The following ATG4D variants were observed in gnomAD, a reference collection of about 807,000 sequenced individuals.
The protein encoded by ATG4D is cysteine protease ATG4D.
In ATG4D, 51 loss-of-function variants were observed where a neutral mutation model predicts 55.2. The ratio of observed to expected loss-of-function variants is 0.92; its 90% CI spans 0.74 to 1.17. ATG4D has a LOEUF of 1.17. Among genes scored for constraint, ATG4D ranks in the 50% most tolerant of loss-of-function variants. The probability of loss-of-function intolerance (pLI) is 0.00; values close to 1 mark genes in which losing one functional copy is unlikely to be tolerated. For synonymous variants in ATG4D, 268 were observed against 266.2 expected (o/e 1.01, Z -0.07); for missense variants, 635 against 649.6 (o/e 0.98, Z 0.25).
chr19:10,551,864 C>T (rs770065870), intron 6 of ATG4D, 33 bp from the exon 7 acceptor site: 1 of 1,609,684 alleles, frequency 6.2e-7, no homozygotes, highest in Admixed American at 1.7e-5. Flanking sequence ...TGAGTGGCTG[C>T]CTGACAGCAC....
Position 10,544,819 on chromosome 19 carries a change from T to C in ATG4D, c.272T>C (p.Ile91Thr). 1.2e-6 allele frequency: 2 copies of C among 1,614,038 alleles called. No individual in the cohort carries two copies. The highest frequency in any genetic ancestry group is 1.7e-6 in the Non-Finnish European group (2 of 1,179,952). ...VVKSRTSFSK[I>T]SSIHLCGRRY... is the part of the protein sequence containing the mutation. The stretch of plus-strand genomic sequence containing the variant: ...AAAAGCCGGACCAGCTTTAGCAAGA[T>C]CTCCAGCATCCACCTCTGTGGCCGC... Residue 91 changes from isoleucine to threonine, a missense_variant, in exon 2 of 10, where the codon ATC becomes ACC. Physicochemically the swap from Ile to Thr is moderately conservative, Grantham distance 89 (BLOSUM62 -1). Coordinates refer to ENST00000309469, the MANE Select transcript of ATG4D (RefSeq NM_032885.6).
Position 10,553,235 on chromosome 19 carries a change from G to A in ATG4D, c.*168G>A, listed in dbSNP as rs1916362039. ...TTCAGCCAGGGACAGAGCCCACAGAGCCCATACACCTGTCTCCCACCAGCG... is the reference window on the plus strand; with the variant it reads ...TTCAGCCAGGGACAGAGCCCACAGAACCCATACACCTGTCTCCCACCAGCG... On this transcript the variant is annotated 3_prime_UTR_variant, in exon 10 of 10. Coordinates refer to ENST00000309469, the MANE Select transcript of ATG4D (RefSeq NM_032885.6). The A allele has an allele frequency of 3.4e-6, 3 of 874,496 alleles. No individual in the cohort carries two copies. The highest frequency in any genetic ancestry group is 3.4e-6 in the Non-Finnish European group (2 of 596,864). The allele number at this position is 874,496 out of a possible 1,614,324, so 54.2% of individuals were successfully genotyped here. A position where few individuals can be genotyped will look rare whatever the true frequency, so the allele number is the denominator to read the frequency against.
intron 3 of ATG4D, among the ~76,000 whole-genome samples, chr19:10,545,789 C>T (rs771275440): frequency 2.8e-4 from 43 of 151,608 alleles, no homozygotes; most frequent in Non-Finnish European, 5.9e-4. Context: ...TTGCTTGAAC[C>T]GGGGAGGCGG....
At chr19:10,547,327 C>A in intron 5 of ATG4D, 74 bp downstream of exon 5, 1 of 1,538,400 alleles carries the variant, frequency 6.5e-7, no homozygotes, top group Non-Finnish European at 8.9e-7. Flanking sequence ...TCTTAGAGTG[C>A]ATCTTCCTCA....
Position 10,548,984 on chromosome 19 carries a change from G to A in ATG4D, c.916G>A (p.Val306Met), listed in dbSNP as rs756766683. 1.7e-5 allele frequency: 27 copies of A among 1,613,984 alleles called. No homozygotes were observed. The highest frequency in any genetic ancestry group is 5.0e-5 in the Admixed American group (3 of 59,974). ...EWKSVVILVP[V>M]RLGGETLNPV... ...GAAGTCTGTGGTCATCCTGGTGCCC[G>A]TGCGACTGGGTGGCGAGACTCTCAA... Residue 306 changes from valine (V) to methionine (M), a missense_variant, in exon 6 of 10, where the codon GTG (valine) becomes ATG (methionine). Val to Met is a conservative substitution (Grantham distance 21, BLOSUM62 1). Transcript: ENST00000309469.
In ATG4D at chr19:10,543,924, C is replaced by A; in HGVS notation, c.-167C>A. On this transcript the variant is annotated 5_prime_UTR_variant, in exon 1 of 10. Coordinates refer to ENST00000309469, the MANE Select transcript of ATG4D (RefSeq NM_032885.6). ...CCGGGGTCCTGGCCCGCTAAGATGGCGATGGCTGCGGTAGCAGCGGCGGCG... is the reference window on the plus strand; with the variant it reads ...CCGGGGTCCTGGCCCGCTAAGATGGAGATGGCTGCGGTAGCAGCGGCGGCG... The A allele has an allele frequency of 2.4e-6, 1 of 413,826 alleles. No homozygotes were observed. Among genetic ancestry groups the A allele is most frequent in the Non-Finnish European group, 4.1e-6 (1 of 246,362 alleles). The allele number at this position is 413,826 out of a possible 1,614,324, so 25.6% of individuals were successfully genotyped here. A position where few individuals can be genotyped will look rare whatever the true frequency, so the allele number is the denominator to read the frequency against.
intron 1 of ATG4D, 33 bp from the exon 2 acceptor site, chr19:10,544,750 A>C: frequency 6.2e-7 from 1 of 1,611,946 alleles, no homozygotes; most frequent in Non-Finnish European, 8.5e-7. Context: ...CAAGTGCTTC[A>C]TCTCGCTGGG....
At position 10,553,294 on chromosome 19, in the gene ATG4D, C is replaced by T. The variant is rs570803529; in HGVS notation, c.*227C>T. On this transcript the variant is annotated 3_prime_UTR_variant, in exon 10 of 10. Transcript: ENST00000309469. ...CTGGCAGGGTAGGGAAGGAGGACCC[C>T]GGGCACCCCCCTCAGGGCCTGACTC... 357 of 541,584 alleles carry T rather than the reference C, an allele frequency of 6.6e-4. No homozygotes were observed. The highest frequency in any genetic ancestry group is 2.4e-3 in the Admixed American group (76 of 31,436). 33.5% of individuals were successfully genotyped at this position (541,584 alleles called of 1,614,324 possible).
chr19:10,545,234 TTG>T, intron 3 of ATG4D, 104 bp downstream of exon 3: 1 of 1,441,276 alleles, frequency 6.9e-7, no homozygotes. Context: ...CACGTTAGAA[TTG>T]TGTGTCAAGT....
Position 10,546,833 on chromosome 19 carries a change from C to T in ATG4D, c.494-6C>T. The T allele has an allele frequency of 1.3e-6, 2 of 1,567,732 alleles. No homozygotes were observed. The highest frequency in any genetic ancestry group is 1.7e-6 in the Non-Finnish European group (2 of 1,153,776). ...CACTGTTTGACTATGTGCTCCATTC[C>T]ACCAGACTGGACATGGGCCGAGGGC... On this transcript the variant is annotated splice_polypyrimidine_tract_variant and splice_region_variant and intron_variant, in intron 3 of 9. Coordinates refer to ENST00000309469, the MANE Select transcript of ATG4D (RefSeq NM_032885.6).
At chr19:10,547,345 G>C in intron 5 of ATG4D, 92 bp downstream of exon 5, 1 of 1,482,294 alleles carries the variant, frequency 6.7e-7, no homozygotes, top group Non-Finnish European at 9.2e-7. Context: ...TCAGAGGCTG[G>C]AACAAGTTGT....
At chr19:10,549,180 A>G in intron 6 of ATG4D, 146 bp downstream of exon 6, 3 of 1,156,404 alleles carry the variant, frequency 2.6e-6, no homozygotes, top group South Asian at 1.7e-5. Context: ...CTGGAGGTCA[A>G]TAACGTGATC....
chr19:10,544,171 G>T lies in ATG4D; in HGVS notation c.81G>T (p.Arg27Ser). ...EDARRRPEARRPRGPRGPDPN... is the reference protein window; with the variant it reads ...EDARRRPEARSPRGPRGPDPN... ...CGCGCCGCCGGCCCGAGGCCCGCAGGCCGCGGGGTCCCAGAGGCCCAGACC... is the reference window on the plus strand; with the variant it reads ...CGCGCCGCCGGCCCGAGGCCCGCAGTCCGCGGGGTCCCAGAGGCCCAGACC... Residue 27 changes from arginine to serine, a missense_variant, in exon 1 of 10, where the codon AGG (arginine) becomes AGT (serine). Arg to Ser is a moderately radical substitution (Grantham distance 110). Coordinates refer to ENST00000309469, the MANE Select transcript of ATG4D (RefSeq NM_032885.6). 1.6e-6 allele frequency: 2 copies of T among 1,245,574 alleles called. No homozygotes were observed. The highest frequency in any genetic ancestry group is 6.3e-5 in the East Asian group (2 of 31,632). 77.2% of individuals were successfully genotyped at this position (1,245,574 alleles called of 1,614,324 possible).
intron 3 of ATG4D, 142 bp downstream of exon 3, chr19:10,545,272 T>C: frequency 8.4e-7 from 1 of 1,184,002 alleles, no homozygotes; most frequent in Non-Finnish European, 1.2e-6. Flanking sequence ...GAGAGTTGTT[T>C]ATAAGAGTTT....
At chr19:10,547,380 A>T in intron 5 of ATG4D, 127 bp downstream of exon 5, 1 of 1,149,012 alleles carries the variant, frequency 8.7e-7, no homozygotes, top group Non-Finnish European at 1.2e-6. Flanking sequence ...CTGGGGAAGG[A>T]TGCAAGGCCT....
chr19:10,545,508 G>A (rs747780016), intron 3 of ATG4D, among the ~76,000 whole-genome samples: 22 of 151,880 alleles, frequency 1.4e-4, no homozygotes, highest in Non-Finnish European at 2.2e-4. Context: ...GGAGGCGGAG[G>A]TTACAGCAAG....
At chr19:10,544,378 C>T in intron 1 of ATG4D, 53 bp downstream of exon 1, 1 of 1,269,304 alleles carries the variant, frequency 7.9e-7, no homozygotes, top group South Asian at 3.3e-5. Context: ...TGAGGAAAAC[C>T]AGACCCCGGT....
intron 5 of ATG4D, among the ~76,000 whole-genome samples, chr19:10,548,299 C>A (rs1232197564): frequency 6.6e-6 from 1 of 151,886 alleles, no homozygotes; most frequent in East Asian, 1.9e-4. Context: ...TCCCAAAGTG[C>A]TGGGATTACA....
chr19:10,546,543 G>A (rs1188587376), intron 3 of ATG4D, among the ~76,000 whole-genome samples: 1 of 151,382 alleles, frequency 6.6e-6, no homozygotes, highest in East Asian at 1.9e-4. Flanking sequence ...TATCAGAGAA[G>A]GGGTTTCACC....
Sources: allele counts gnomAD v4.1 joint callset (sites outside exome capture counted in the v4.1 genomes callset), GRCh38; gene constraint gnomAD v4.1.1; transcripts MANE v1.5; gene names NCBI Gene and HGNC (gene_info 2026-07-23, HGNC 2026-07-21).